The following ZNF77 variants were observed in gnomAD, a reference collection of about 807,000 sequenced individuals.
ZNF77 encodes zinc finger protein 77.
ZNF77 carries 15 observed loss-of-function variants against 13.5 expected under a neutral mutation model. The ratio of observed to expected loss-of-function variants is 1.11; its 90% CI spans 0.74 to 1.71. The LOEUF is 1.71. ZNF77 is among the 40% of genes most tolerant of loss of function. The pLI is 0.00. For synonymous variants in ZNF77, 282 were observed against 250.0 expected, an observed-to-expected ratio of 1.13 and a Z score of -1.21; for missense variants, 717 against 676.4, an observed-to-expected ratio of 1.06 and a Z score of -0.67.
At chr19:2,940,261 C>T (rs745328484) in intron 1 of ZNF77, among the ~76,000 whole-genome samples, 12 of 151,880 alleles carry the variant, frequency 7.9e-5, no homozygotes, top group Admixed American at 2.6e-4. Flanking sequence ...TGGTGGTTCA[C>T]GCCTGTAGTT....
At chr19:2,942,889 C>T (rs1468540165) in intron 1 of ZNF77, among the ~76,000 whole-genome samples, 1 of 152,000 alleles carries the variant, frequency 6.6e-6, no homozygotes, top group Non-Finnish European at 1.5e-5. Flanking sequence ...AAGCAATTCT[C>T]CCTGCCTCAG....
rs925129127 is a variant in ZNF77 at position 2,934,808 on chromosome 19, G to A, written c.319C>T (p.Leu107=). 1 of 1,600,940 alleles carries A rather than the reference G, an allele frequency of 6.2e-7. No individual in the cohort carries two copies. The highest frequency in any genetic ancestry group is 8.5e-7 in the Non-Finnish European group (1 of 1,170,716). The change falls in exon 4 of 4, where the codon CTG becomes TTG. Residue 107 remains leucine, a synonymous_variant. Coordinates refer to ENST00000314531, the MANE Select transcript of ZNF77 (RefSeq NM_021217.3). ...TCATTACTTTCACAGAGTCTCCCCA[G>A]CTGACTTCTGTTCAAAATGGGAAGC... ...QIPQRHLRSQ[L]GRLCESNEGH...
In ZNF77 at chr19:2,941,410, G is replaced by C. The variant is rs184986260; in HGVS notation, c.4-2003C>G. On this transcript the variant is annotated intron_variant, in intron 1 of 3. Coordinates refer to ENST00000314531, the MANE Select transcript of ZNF77 (RefSeq NM_021217.3). ...GGAAAATCACTTAAACCCAGAGGCA[G>C]AGGTTGCAGTGAGCTGAGATCAAGC... 2.5e-3 allele frequency among the ~76,000 whole-genome samples: 374 copies of C among 152,146 alleles called. No individual in the cohort carries two copies. In the Middle Eastern group the frequency reaches 0.034, roughly 14 times the overall value.
At chr19:2,934,923 A>G in intron 3 of ZNF77, 108 bp from the exon 4 acceptor site, 1 of 1,408,990 alleles carries the variant, frequency 7.1e-7, no homozygotes, top group Non-Finnish European at 9.5e-7. Context: ...ATTTCACTGA[A>G]TGGTTCTATT....
Position 2,934,688 on chromosome 19 carries a change from A to G in ZNF77, c.439T>C (p.Cys147Arg). Reference protein sequence around the residue: ...TEAKPSECTKCGKAFENRQRS... With the variant: ...TEAKPSECTKRGKAFENRQRS... ...TGCCGATTCTCGAAGGCTTTGCCAC[A>G]CTTAGTGCACTCAGAGGGTTTAGCT... The change falls in exon 4 of 4, where the codon TGT becomes CGT. Residue 147 changes from cysteine to arginine, a missense_variant. Coordinates refer to ENST00000314531, the MANE Select transcript of ZNF77 (RefSeq NM_021217.3). The G allele has an allele frequency of 6.2e-7, 1 of 1,614,132 alleles. No homozygotes were observed. The highest frequency in any genetic ancestry group is 8.5e-7 in the Non-Finnish European group (1 of 1,180,032).
At position 2,935,251 on chromosome 19, in the gene ZNF77, C is replaced by G. The variant is rs192227646; in HGVS notation, c.312-436G>C. 8.5e-3 allele frequency among the ~76,000 whole-genome samples: 1,280 copies of G among 151,378 alleles called. 6 individuals carry two copies. The highest frequency in any genetic ancestry group is 0.013 in the Non-Finnish European group (868 of 67,954). On this transcript the variant is annotated intron_variant, in intron 3 of 3. Coordinates refer to ENST00000314531, the MANE Select transcript of ZNF77 (RefSeq NM_021217.3). ...GCCAGGATGGTCTTGATCTCCTGAC[C>G]TCGTGATCCGCCTGCCTCGGCCTCC...
At position 2,939,437 on chromosome 19, in the gene ZNF77, A is replaced by C. The variant is rs764362848; in HGVS notation, c.4-30T>G. 2.5e-6 allele frequency: 4 copies of C among 1,610,814 alleles called. No individual in the cohort carries two copies. In the African/African-American group the frequency reaches 5.3e-5, roughly 22 times the overall value. On this transcript the variant is annotated intron_variant, in intron 1 of 3. Coordinates refer to ENST00000314531, the MANE Select transcript of ZNF77 (RefSeq NM_021217.3). ...AACATTCCACACATCCCACTTCAGC[A>C]AAGGCACCGCCTCCCCCATGTGCGC...
In ZNF77 at chr19:2,934,352, C is replaced by T. The variant is rs146262812; in HGVS notation, c.775G>A (p.Val259Ile). The change falls in exon 4 of 4, where the codon GTA becomes ATA. Residue 259 changes from valine to isoleucine, a missense_variant. Val to Ile is a conservative substitution (Grantham distance 29). Coordinates refer to ENST00000314531, the MANE Select transcript of ZNF77 (RefSeq NM_021217.3). The part of the protein sequence containing the change: ...FMYYSYLTRH[V>I]RTHTGEKPYE... ...GGTTTCTCTCCTGTGTGAGTTCTTA[C>T]GTGCCGTGTAAGGTAGGAGTAATAC... is the stretch of plus-strand genomic sequence containing the variant. 2.5e-5 allele frequency: 41 copies of T among 1,614,042 alleles called. No individual in the cohort carries two copies. The highest frequency in any genetic ancestry group is 2.0e-4 in the East Asian group (9 of 44,894).
In ZNF77 at chr19:2,933,576, C is replaced by G. The variant is rs1568190802; in HGVS notation, c.1551G>C (p.Glu517Asp). ...LRVHVRTHTG[E>D]RPYECKQCGK... ...CACACTGCTTGCATTCATACGGTCT[C>G]TCTCCAGTGTGCGTTCTCACGTGCA... The change falls in exon 4 of 4, where the codon GAG becomes GAC. Residue 517 changes from glutamate (E) to aspartate (D), a missense_variant. Physicochemically the swap from Glu to Asp is conservative, Grantham distance 45. Coordinates refer to ENST00000314531, the MANE Select transcript of ZNF77 (RefSeq NM_021217.3). The G allele has an allele frequency of 7.4e-6, 12 of 1,613,804 alleles. No homozygotes were observed. Among genetic ancestry groups the G allele is most frequent in the East Asian group, 6.7e-5 (3 of 44,864 alleles).
At position 2,933,765 on chromosome 19, in the gene ZNF77, A is replaced by G. The variant is rs1219092210; in HGVS notation, c.1362T>C (p.His454=). The change falls in exon 4 of 4, where the codon CAT becomes CAC. Residue 454 remains histidine, a synonymous_variant. Transcript: ENST00000314531. ...AFSCHSSLRE[H]VRTHSGEKPY... is the part of the protein sequence containing the mutation. ...GTTTCTCTCCGCTGTGGGTTCGCAC[A>G]TGCTCTCGAAGGGAGGAGTGACAGC... The G allele has an allele frequency of 5.6e-6, 9 of 1,613,118 alleles. No individual in the cohort carries two copies. In the Admixed American group the frequency reaches 8.3e-5, roughly 15 times the overall value.
At chr19:2,939,545 A>G in intron 1 of ZNF77, 138 bp from the exon 2 acceptor site, 1 of 1,246,526 alleles carries the variant, frequency 8.0e-7, no homozygotes, top group Non-Finnish European at 1.1e-6. Context: ...ACAGTATGAA[A>G]AAGTGCAGTA....
chr19:2,943,164 T>C (rs562004537), intron 1 of ZNF77, among the ~76,000 whole-genome samples: 1 of 151,942 alleles, frequency 6.6e-6, no homozygotes, highest in South Asian at 2.1e-4. Context: ...ACAGCATTAG[T>C]CCCGCAGCTC....
chr19:2,939,471 G>C lies in ZNF77; in HGVS notation c.4-64C>G, dbSNP rs549480512. On this transcript the variant is annotated intron_variant, in intron 1 of 3. Transcript: ENST00000314531. Reference sequence around the variant, plus strand: ...GCCTCCCCCATGTGCGCAGGAAGAGGGGTGAGGCTGACAGCCTGGGGAACT... The same window carrying C: ...GCCTCCCCCATGTGCGCAGGAAGAGCGGTGAGGCTGACAGCCTGGGGAACT... 2.5e-6 allele frequency: 4 copies of C among 1,592,104 alleles called. No individual in the cohort carries two copies. The African/African-American group carries it at 5.4e-5, about 21-fold the overall frequency.
intron 2 of ZNF77, among the ~76,000 whole-genome samples, chr19:2,938,963 T>TA (rs573479593): frequency 0.32 from 32,503 of 100,454 alleles, 6,223 homozygotes; most frequent in Non-Finnish European, 0.42. Flanking sequence ...CTCAAAAAAA[T>TA]AAAAAAAAAA....
rs12610412 is a variant in ZNF77 at position 2,939,403 on chromosome 19, C to G, written c.8G>C (p.Cys3Ser). ...CACAGCCACTTCCTCAAAGATCACG[C>G]AGTCCTAAAACATTCCACACATCCC... MD[C>S]VIFEEVAVNF... The change falls in exon 2 of 4, where the codon TGC (cysteine) becomes TCC (serine). Residue 3 changes from cysteine (C) to serine (S), a missense_variant. Transcript: ENST00000314531. The G allele has an allele frequency of 0.12, 201,584 of 1,613,284 alleles. 15,251 individuals are homozygous for G. The highest frequency in any genetic ancestry group is 0.39 in the East Asian group (17,550 of 44,810).
Position 2,936,697 on chromosome 19 carries a change from G to A in ZNF77, c.138C>T (p.Tyr46=), listed in dbSNP as rs777732447. Residue 46 remains tyrosine (Y), a synonymous_variant, in exon 3 of 4, where the codon TAC becomes TAT. Coordinates refer to ENST00000314531, the MANE Select transcript of ZNF77 (RefSeq NM_021217.3). ...TCRNLASLDC[Y]IYVRTSGSSS... ...TTGATCCACTGGTTCTAACATAAAT[G>A]TAACAATCTGCAACAATCAATTACA... The A allele has an allele frequency of 6.2e-7, 1 of 1,603,350 alleles. No individual in the cohort carries two copies. Among genetic ancestry groups the A allele is most frequent in the Admixed American group, 1.7e-5 (1 of 57,288 alleles).
chr19:2,938,710 A>C (rs1203673655), intron 2 of ZNF77, among the ~76,000 whole-genome samples: 2 of 152,302 alleles, frequency 1.3e-5, no homozygotes, highest in South Asian at 4.1e-4. Flanking sequence ...TAATCCCAGC[A>C]CTTTGGGAGG....
chr19:2,937,417 G>A (rs1224306835), intron 2 of ZNF77, among the ~76,000 whole-genome samples: 1 of 151,946 alleles, frequency 6.6e-6, no homozygotes, highest in African/African-American at 2.4e-5. Flanking sequence ...CCTGGGAGGT[G>A]GGGGTTGCAT....
intron 1 of ZNF77, among the ~76,000 whole-genome samples, chr19:2,940,155 TA>T (rs995060319): frequency 2.2e-4 from 32 of 147,480 alleles, no homozygotes; most frequent in African/African-American, 4.2e-4. Flanking sequence ...CCCTGTCTCT[TA>T]AAAAAAAAAA....
Sources: gnomAD v4.1 joint callset for allele counts (sites outside exome capture counted in the v4.1 genomes callset) on GRCh38, gnomAD v4.1.1 for gene constraint, MANE v1.5 for transcripts, NCBI Gene and HGNC (gene_info 2026-07-23, HGNC 2026-07-21) for gene names.